BAX: variants seen among roughly 807,000 people sequenced by gnomAD.
BAX encodes BCL2 associated X, apoptosis regulator.
A neutral mutation model predicts 26.8 loss-of-function variants in BAX; 21 were observed. That is an observed-to-expected ratio of 0.78 (90% CI 0.56 to 1.13). BAX has a LOEUF of 1.13. BAX is among the 50% of genes most tolerant of loss of function. BAX has a pLI of 0.00. For synonymous variants in BAX, 110 were observed against 101.8 expected, an observed-to-expected ratio of 1.08 and a Z score of -0.49; for missense variants, 236 against 254.6, an observed-to-expected ratio of 0.93 and a Z score of 0.50.
At chr19:48,960,684 G>C in intron 4 of BAX, 126 bp from the exon 5 acceptor site, 3 of 877,578 alleles carry the variant, frequency 3.4e-6, no homozygotes, top group Non-Finnish European at 5.3e-6. Context: ...TTTTGAAGCC[G>C]ACTTCAATTG....
intron 4 of BAX, among the ~76,000 whole-genome samples, 176 bp from the exon 5 acceptor site, chr19:48,960,634 A>C (rs1325982488): frequency 1.3e-5 from 2 of 152,224 alleles, no homozygotes; most frequent in Non-Finnish European, 2.9e-5. Flanking sequence ...AAGTGCTGGG[A>C]TTACAGGCAT....
At chr19:48,957,559 A>G (rs758856876) in intron 4 of BAX, among the ~76,000 whole-genome samples, 24 of 151,844 alleles carry the variant, frequency 1.6e-4, no homozygotes, top group Non-Finnish European at 2.9e-4. Context: ...ACAGGCGTGA[A>G]CCACTGCACC....
In BAX at chr19:48,956,207, C is replaced by A; in HGVS notation, c.243C>A (p.Ala81=). The change falls in exon 4 of 6, where the codon GCC becomes GCA. Residue 81 remains alanine (A), a synonymous_variant. Coordinates refer to ENST00000345358, the MANE Select transcript of BAX (RefSeq NM_138761.4). ...DSNMELQRMI[A]AVDTDSPREV... is the part of the protein sequence containing the mutation. ...CTCCTCTCTCCTGCAGGATGATTGC[C>A]GCCGTGGACACAGACTCCCCCCGAG... 6.5e-7 allele frequency: 1 copy of A among 1,532,518 alleles called. No individual in the cohort carries two copies. Among genetic ancestry groups the A allele is most frequent in the East Asian group, 2.5e-5 (1 of 40,344 alleles). The allele number at this position is 1,532,518 out of a possible 1,614,324, so 94.9% of individuals were successfully genotyped here. A position where few individuals can be genotyped will look rare whatever the true frequency, so the allele number is the denominator to read the frequency against.
intron 5 of BAX, 171 bp from the exon 6 acceptor site, chr19:48,961,361 A>G: frequency 7.9e-7 from 1 of 1,263,582 alleles, no homozygotes; most frequent in African/African-American, 1.5e-5. Context: ...TGCTGGGATT[A>G]CAGGTGTGAG....
At chr19:48,954,994 G>A in intron 1 of BAX, 32 bp downstream of exon 1, 3 of 1,240,106 alleles carry the variant, frequency 2.4e-6, no homozygotes, top group Non-Finnish European at 3.0e-6. Flanking sequence ...CGGGAGGAGG[G>A]CGAGCCCCCT....
rs566058878 is a variant in BAX at position 48,957,429 on chromosome 19, C to T, written c.369+1096C>T. Among the ~76,000 whole-genome samples the T allele has an allele frequency of 1.8e-4, 27 of 150,420 alleles. 1 individual carries two copies. The highest frequency in any genetic ancestry group is 3.7e-4 in the Non-Finnish European group (25 of 67,686). The stretch of plus-strand genomic sequence containing the variant: ...AGCTAGAATTACAGGCACACACCAC[C>T]ATGCCTGGCTAGTTTTTGTATTTTT... On this transcript the variant is annotated intron_variant, in intron 4 of 5. Coordinates refer to ENST00000345358, the MANE Select transcript of BAX (RefSeq NM_138761.4).
At chr19:48,959,332 AGAGT>A (rs1352683843) in intron 4 of BAX, among the ~76,000 whole-genome samples, 1 of 134,196 alleles carries the variant, frequency 7.5e-6, no homozygotes, top group East Asian at 2.2e-4. Flanking sequence ...CTGGAGCGAC[AGAGT>A]GAGACTCCGT....
rs1288757249 is a variant in BAX at position 48,954,958 on chromosome 19, C to T, written c.30C>T (p.Gly10=). 2 of 1,182,640 alleles carry T rather than the reference C, an allele frequency of 1.7e-6. No individual in the cohort carries two copies. The highest frequency in any genetic ancestry group is 2.1e-6 in the Non-Finnish European group (2 of 956,920). The allele number at this position is 1,182,640 out of a possible 1,614,324, so 73.3% of individuals were successfully genotyped here. A position where few individuals can be genotyped will look rare whatever the true frequency, so the allele number is the denominator to read the frequency against. MDGSGEQPR[G]GGPTSSEQIM... is the part of the protein sequence containing the mutation. ...ACGGGTCCGGGGAGCAGCCCAGAGG[C>T]GGGGGTGAGGCGGGAGGCAGACGGG... Residue 10 remains glycine (G), a synonymous_variant, in exon 1 of 6, where the codon GGC becomes GGT. Coordinates refer to ENST00000345358, the MANE Select transcript of BAX (RefSeq NM_138761.4).
intron 5 of BAX, 146 bp from the exon 6 acceptor site, chr19:48,961,386 C>T: frequency 8.5e-7 from 1 of 1,177,056 alleles, no homozygotes; most frequent in South Asian, 1.5e-5. Flanking sequence ...CATGCCTGGC[C>T]TGAGTCCAGC....
At chr19:48,959,481 G>A (rs539340830) in intron 4 of BAX, among the ~76,000 whole-genome samples, 1 of 148,566 alleles carries the variant, frequency 6.7e-6, no homozygotes, top group East Asian at 2.0e-4. Flanking sequence ...AAGTCCCGAG[G>A]CAGGAAGAAT....
chr19:48,960,973 C>G (rs988433784), intron 5 of BAX, 59 bp downstream of exon 5: 8 of 1,612,656 alleles, frequency 5.0e-6, no homozygotes, highest in Non-Finnish European at 6.8e-6. Context: ...GCCCCTGCCC[C>G]ACCGTCCCTG....
rs186574811 is a variant in BAX at position 48,958,787 on chromosome 19, C to T, written c.370-2023C>T. On this transcript the variant is annotated intron_variant, in intron 4 of 5. Transcript: ENST00000345358. ...CTCGAACTCCTTACCTCAGGTGATC[C>T]GCCTGCCTCGGTCTCCCAAAGTGCT... Among the ~76,000 whole-genome samples, 747 of 151,948 alleles carry T rather than the reference C, an allele frequency of 4.9e-3. 1 individual carries two copies. Among genetic ancestry groups the T allele is most frequent in the African/African-American group, 0.012 (497 of 41,488 alleles).
intron 4 of BAX, among the ~76,000 whole-genome samples, chr19:48,957,887 T>C (rs890482591): frequency 4.6e-5 from 7 of 152,178 alleles, no homozygotes; most frequent in Admixed American, 4.6e-4. Context: ...ATATGGCTTT[T>C]AACTGTGAAA....
chr19:48,955,944 A>G (rs570762887), intron 3 of BAX, 111 bp downstream of exon 3: 6 of 1,351,182 alleles, frequency 4.4e-6, no homozygotes, highest in Admixed American at 2.7e-5. Flanking sequence ...GGGCCCCACA[A>G]CTCAGCGCAA....
chr19:48,960,772 C>T, intron 4 of BAX, 38 bp from the exon 5 acceptor site: 10 of 1,532,300 alleles, frequency 6.5e-6, no homozygotes, highest in Non-Finnish European at 8.9e-6. Context: ...GCAGTGGGGA[C>T]AAGGTTCAGT....
chr19:48,955,061 T>G, intron 1 of BAX, 99 bp downstream of exon 1: 10 of 1,214,966 alleles, frequency 8.2e-6, no homozygotes, highest in Non-Finnish European at 1.0e-5. Context: ...CTCCAAGCAC[T>G]GAGGGGCAGA....
Position 48,956,283 on chromosome 19 carries a change from T to C in BAX, c.319T>C (p.Trp107Arg). Residue 107 changes from tryptophan (W) to arginine (R), a missense_variant, in exon 4 of 6, where the codon TGG (tryptophan) becomes CGG (arginine). Coordinates refer to ENST00000345358, the MANE Select transcript of BAX (RefSeq NM_138761.4). ...ADMFSDGNFN[W>R]GRVVALFYFA... ...CATGTTTTCTGACGGCAACTTCAAC[T>C]GGGGCCGGGTTGTCGCCCTTTTCTA... The C allele has an allele frequency of 6.3e-7, 1 of 1,590,124 alleles. No homozygotes were observed. Among genetic ancestry groups the C allele is most frequent in the Non-Finnish European group, 8.6e-7 (1 of 1,168,972 alleles).
chr19:48,955,952 C>A, intron 3 of BAX, 119 bp downstream of exon 3: 1 of 1,335,208 alleles, frequency 7.5e-7, no homozygotes. Flanking sequence ...CAACTCAGCG[C>A]AAACATTCCG....
In BAX at chr19:48,956,215, A is replaced by T; in HGVS notation, c.251A>T (p.Asp84Val). 1 of 1,555,762 alleles carries T rather than the reference A, an allele frequency of 6.4e-7. No homozygotes were observed. The highest frequency in any genetic ancestry group is 8.7e-7 in the Non-Finnish European group (1 of 1,151,452). The change falls in exon 4 of 6, where the codon GAC becomes GTC. Residue 84 changes from aspartate to valine, a missense_variant. By Grantham distance (152) the Asp-to-Val change is radical. Coordinates refer to ENST00000345358, the MANE Select transcript of BAX (RefSeq NM_138761.4). ...TCCTGCAGGATGATTGCCGCCGTGG[A>T]CACAGACTCCCCCCGAGAGGTCTTT... ...MELQRMIAAV[D>V]TDSPREVFFR...
Sources: allele counts gnomAD v4.1 joint callset (sites outside exome capture counted in the v4.1 genomes callset), GRCh38; gene constraint gnomAD v4.1.1; transcripts MANE v1.5; gene names NCBI Gene and HGNC (gene_info 2026-07-23, HGNC 2026-07-21).